The following BRIP1 variants were observed in gnomAD, a reference collection of about 807,000 sequenced individuals.
BRIP1 encodes Fanconi anemia group J protein.
In BRIP1, 88 loss-of-function variants were observed where a neutral mutation model predicts 119.7. The ratio of observed to expected loss-of-function variants is 0.74; its 90% CI spans 0.62 to 0.88. The LOEUF (loss-of-function observed/expected upper bound fraction) is 0.88. Among genes scored for constraint, BRIP1 ranks in the 40% least tolerant of loss-of-function variants. The pLI is 0.00. For missense variants in BRIP1, 1,259 were observed against 1,455.4 expected, an observed-to-expected ratio of 0.87 and a Z score of 2.20; for synonymous variants, 443 against 496.5, an observed-to-expected ratio of 0.89 and a Z score of 1.43.
Position 61,767,411 on chromosome 17 carries a change from G to A in BRIP1, c.2097+8990C>T, listed in dbSNP as rs1051301061. Among the ~76,000 whole-genome samples the A allele has an allele frequency of 9.9e-5, 15 of 151,852 alleles. No individual in the cohort carries two copies. Among genetic ancestry groups the A allele is most frequent in the African/African-American group, 3.1e-4 (13 of 41,348 alleles). ...CCCATCTCAGCCTCCTAAGTAGCTG[G>A]GACTCACAACACCACACCTGGCTGA... On this transcript the variant is annotated intron_variant, in intron 14 of 19. Coordinates refer to ENST00000259008, the MANE Select transcript of BRIP1 (RefSeq NM_032043.3). The surrounding 1 kb of genome is among the most constrained non-coding windows in gnomAD (Gnocchi z 5.7).
chr17:61,759,484 T>C lies in BRIP1; in HGVS notation c.2098-14893A>G, dbSNP rs2077246356. Among the ~76,000 whole-genome samples, 1 of 152,100 alleles carries C rather than the reference T, an allele frequency of 6.6e-6. No individual in the cohort carries two copies. The highest frequency in any genetic ancestry group is 6.6e-5 in the Admixed American group (1 of 15,252). Reference sequence around the variant, plus strand: ...TCTAATACAATAATAGTAGGAGACATTGATACCCCACTTTCAACAATGAAC... The same window carrying C: ...TCTAATACAATAATAGTAGGAGACACTGATACCCCACTTTCAACAATGAAC... On this transcript the variant is annotated intron_variant, in intron 14 of 19. Coordinates refer to ENST00000259008, the MANE Select transcript of BRIP1 (RefSeq NM_032043.3). The surrounding 1 kb of genome is among the most constrained non-coding windows in gnomAD (Gnocchi z 4.9).
At position 61,743,118 on chromosome 17, in the gene BRIP1, T is replaced by TA. The variant is rs587780236; in HGVS notation, c.2273dup (p.Ala759SerfsTer6). On this transcript the variant is annotated frameshift_variant, in exon 16 of 20. Transcript: ENST00000259008. LOFTEE classifies it high-confidence loss of function. This position sits in a 1 kb window ranked among gnomAD's most constrained non-coding sequence, Gnocchi z 4.3. ...CACTCACTTTACCACGACAAACTGCTACCAGGAGAGCTCCATCTTAAACAA... is the reference window on the plus strand; with the variant it reads ...CACTCACTTTACCACGACAAACTGCTAACCAGGAGAGCTCCATCTTAAACAA... The TA allele has an allele frequency of 3.1e-6, 5 of 1,613,922 alleles. No individual in the cohort carries two copies. Among genetic ancestry groups the TA allele is most frequent in the Non-Finnish European group, 4.2e-6 (5 of 1,179,942 alleles).
chr17:61,842,883 G>C lies in BRIP1; in HGVS notation c.627+4218C>G, dbSNP rs1262677793. On this transcript the variant is annotated intron_variant, in intron 6 of 19. Coordinates refer to ENST00000259008, the MANE Select transcript of BRIP1 (RefSeq NM_032043.3). This position sits in a 1 kb window ranked among gnomAD's most constrained non-coding sequence, Gnocchi z 5.1. ...AACAAATAGCTAAACATAATACCAA[G>C]AGTTTAAAAAATCAAGGTTATACAG... Among the ~76,000 whole-genome samples the C allele has an allele frequency of 1.3e-5, 2 of 152,224 alleles. No individual in the cohort carries two copies. Among genetic ancestry groups the C allele is most frequent in the East Asian group, 1.9e-4 (1 of 5,178 alleles).
rs186370934 is a variant in BRIP1 at position 61,703,566 on chromosome 17, C to T, written c.2493-10054G>A. On this transcript the variant is annotated intron_variant, in intron 17 of 19. Coordinates refer to ENST00000259008, the MANE Select transcript of BRIP1 (RefSeq NM_032043.3). This position sits in a 1 kb window ranked among gnomAD's most constrained non-coding sequence, Gnocchi z 5.0. Reference sequence around the variant, plus strand: ...GTTTGTAAGATGCATAGTTTGCAAACATTTTCTCGCATTCTGTGGTTTGTC... The same window carrying T: ...GTTTGTAAGATGCATAGTTTGCAAATATTTTCTCGCATTCTGTGGTTTGTC... 2.0e-5 allele frequency among the ~76,000 whole-genome samples: 3 copies of T among 152,242 alleles called. No homozygotes were observed. The highest frequency in any genetic ancestry group is 2.9e-5 in the Non-Finnish European group (2 of 68,002).
chr17:61,788,664 A>G (rs1468921388), intron 10 of BRIP1, among the ~76,000 whole-genome samples: 2 of 152,160 alleles, frequency 1.3e-5, no homozygotes, highest in Non-Finnish European at 2.9e-5. Context: ...ACATATATGA[A>G]AATTAGAGGG....
chr17:61,731,987 T>A (rs905986945), intron 16 of BRIP1, among the ~76,000 whole-genome samples: 3 of 136,046 alleles, frequency 2.2e-5, no homozygotes, highest in African/African-American at 8.3e-5. Context: ...CTTTCTTTTT[T>A]TTTTTTTTTT....
chr17:61,687,323 C>T lies in BRIP1; in HGVS notation c.2576-1158G>A, dbSNP rs1019761773. Among the ~76,000 whole-genome samples the T allele has an allele frequency of 3.3e-5, 5 of 152,128 alleles. No individual in the cohort carries two copies. The highest frequency in any genetic ancestry group is 7.4e-5 in the Non-Finnish European group (5 of 68,018). ...CAACCTTTTTATAATCAAAGAAAGC[C>T]TTTTCAATGTAAAATATCATTGTCT... is the stretch of plus-strand genomic sequence containing the variant. On this transcript the variant is annotated intron_variant, in intron 18 of 19. Coordinates refer to ENST00000259008, the MANE Select transcript of BRIP1 (RefSeq NM_032043.3). The surrounding 1 kb of genome is among the most constrained non-coding windows in gnomAD (Gnocchi z 5.1).
In BRIP1 at chr17:61,756,612, T is replaced by G. The variant is rs762323460; in HGVS notation, c.2098-12021A>C. On this transcript the variant is annotated intron_variant, in intron 14 of 19. Transcript: ENST00000259008. The surrounding 1 kb of genome is among the most constrained non-coding windows in gnomAD (Gnocchi z 4.3). ...TTATCTGGATATTGTCATTTTACTTTGTCAAACTTCTTTAAAACTAGTATT... is the reference window on the plus strand; with the variant it reads ...TTATCTGGATATTGTCATTTTACTTGGTCAAACTTCTTTAAAACTAGTATT... Among the ~76,000 whole-genome samples, 3 of 152,218 alleles carry G rather than the reference T, an allele frequency of 2.0e-5. No individual in the cohort carries two copies. The highest frequency in any genetic ancestry group is 4.4e-5 in the Non-Finnish European group (3 of 68,030).
chr17:61,716,119 A>G, intron 16 of BRIP1, 56 bp from the exon 17 acceptor site: 2 of 1,076,632 alleles, frequency 1.9e-6, no homozygotes, highest in Non-Finnish European at 2.7e-6. Context: ...CTCATTTTAA[A>G]CATCATATTA....
At chr17:61,688,849 A>G (rs976774928) in intron 18 of BRIP1, among the ~76,000 whole-genome samples, 27 of 151,966 alleles carry the variant, frequency 1.8e-4, no homozygotes, top group Admixed American at 7.2e-4. Flanking sequence ...TATAGAAAAA[A>G]AGGAGAATTT....
chr17:61,744,743 G>A lies in BRIP1; in HGVS notation c.2098-152C>T. On this transcript the variant is annotated intron_variant, in intron 14 of 19. Coordinates refer to ENST00000259008, the MANE Select transcript of BRIP1 (RefSeq NM_032043.3). This position sits in a 1 kb window ranked among gnomAD's most constrained non-coding sequence, Gnocchi z 5.0. ...TGAGGAAAACAATATATCTCATAGAGCTGTTATGGGGTTAAATTTATTAAC... is the reference window on the plus strand; with the variant it reads ...TGAGGAAAACAATATATCTCATAGAACTGTTATGGGGTTAAATTTATTAAC... 1 of 726,504 alleles carries A rather than the reference G, an allele frequency of 1.4e-6. No individual in the cohort carries two copies. The highest frequency in any genetic ancestry group is 1.7e-5 in the South Asian group (1 of 58,566). 45.0% of individuals were successfully genotyped at this position (726,504 alleles called of 1,614,324 possible).
At chr17:61,790,469 C>A (rs1274984555) in intron 10 of BRIP1, among the ~76,000 whole-genome samples, 1 of 151,878 alleles carries the variant, frequency 6.6e-6, no homozygotes, top group African/African-American at 2.4e-5. Flanking sequence ...TCACTTGAAC[C>A]CAGGAGGCAG....
At chr17:61,777,349 C>T (rs2077550083) in intron 13 of BRIP1, among the ~76,000 whole-genome samples, 1 of 152,126 alleles carries the variant, frequency 6.6e-6, no homozygotes, top group South Asian at 2.1e-4. Flanking sequence ...GAGGTTTTTT[C>T]CACATACCAA....
intron 18 of BRIP1, among the ~76,000 whole-genome samples, chr17:61,688,033 T>C (rs2061386252): frequency 6.6e-6 from 1 of 152,172 alleles, no homozygotes; most frequent in Non-Finnish European, 1.5e-5. Context: ...TATAGTTTGA[T>C]GGCCACTCCC....
At chr17:61,813,486 A>T (rs1025612853) in intron 6 of BRIP1, among the ~76,000 whole-genome samples, 24 of 152,056 alleles carry the variant, frequency 1.6e-4, no homozygotes, top group African/African-American at 5.8e-4. Context: ...CATGCATTAC[A>T]ATTAAATCTG....
chr17:61,702,246 A>AGTTGTTGTTGTT (rs145898869), intron 17 of BRIP1, among the ~76,000 whole-genome samples: 1 of 151,838 alleles, frequency 6.6e-6, no homozygotes, highest in African/African-American at 2.4e-5. Flanking sequence ...ATTGATCTAT[A>AGTTGTTGTTGTT]GTTGTTGTTG....
At position 61,709,500 on chromosome 17, in the gene BRIP1, G is replaced by A. The variant is rs2061741228; in HGVS notation, c.2492+6451C>T. On this transcript the variant is annotated intron_variant, in intron 17 of 19. Coordinates refer to ENST00000259008, the MANE Select transcript of BRIP1 (RefSeq NM_032043.3). This position sits in a 1 kb window ranked among gnomAD's most constrained non-coding sequence, Gnocchi z 5.0. ...CAGACCATAACACTGGGAAGGATAG[G>A]AAGAAGATTAATATTGTCAATACTA... is the stretch of plus-strand genomic sequence containing the variant. 6.6e-6 allele frequency among the ~76,000 whole-genome samples: 1 copy of A among 152,096 alleles called. No homozygotes were observed. Among genetic ancestry groups the A allele is most frequent in the Non-Finnish European group, 1.5e-5 (1 of 68,038 alleles).
At chr17:61,801,129 T>C (rs371534749) in intron 8 of BRIP1, 124 bp downstream of exon 8, 7 of 859,722 alleles carry the variant, frequency 8.1e-6, no homozygotes, top group Non-Finnish European at 1.9e-6. Context: ...TACTCTAATA[T>C]GTTTACACAA....
chr17:61,850,521 T>C (rs1474818849), intron 4 of BRIP1, among the ~76,000 whole-genome samples: 1 of 152,136 alleles, frequency 6.6e-6, no homozygotes, highest in Non-Finnish European at 1.5e-5. Flanking sequence ...GCAGGTCCAA[T>C]ACTGTTTTCA....
Sources: allele counts gnomAD v4.1 joint callset (sites outside exome capture counted in the v4.1 genomes callset), GRCh38; gene constraint gnomAD v4.1.1; non-coding constraint Gnocchi (gnomAD v3.1); transcripts MANE v1.5; gene names NCBI Gene and HGNC (gene_info 2026-07-23, HGNC 2026-07-21).